GPC5: variants seen among roughly 807,000 people sequenced by gnomAD.
GPC5 encodes the protein glypican-5.
In GPC5, 47 loss-of-function variants were observed where a neutral mutation model predicts 53.9. The ratio of observed to expected loss-of-function variants is 0.87; its 90% CI spans 0.69 to 1.11. The LOEUF (loss-of-function observed/expected upper bound fraction) is 1.11, where lower values mean the gene tolerates loss of function less well. Among genes scored for constraint, GPC5 ranks in the 50% most tolerant of loss-of-function variants. The probability of loss-of-function intolerance (pLI) is 0.00; values close to 1 mark genes in which losing one functional copy is unlikely to be tolerated. For synonymous variants in GPC5, 286 were observed against 263.3 expected, an observed-to-expected ratio of 1.09 and a Z score of -0.84; for missense variants, 748 against 713.1, an observed-to-expected ratio of 1.05 and a Z score of -0.56.
chr13:92,568,095 G>A (rs1882914940), intron 7 of GPC5, among the ~76,000 whole-genome samples: 1 of 152,058 alleles, frequency 6.6e-6, no homozygotes, highest in South Asian at 2.1e-4. Context: ...GCTGAGGCAG[G>A]AGAATCACTT....
intron 7 of GPC5, among the ~76,000 whole-genome samples, chr13:92,415,448 G>A (rs1049180726): frequency 6.6e-6 from 1 of 152,166 alleles, no homozygotes; most frequent in African/African-American, 2.4e-5. Context: ...AATTGGGTAT[G>A]AGAAGTGAAG....
chr13:92,318,087 T>C (rs1292335020), intron 7 of GPC5, among the ~76,000 whole-genome samples: 3 of 152,200 alleles, frequency 2.0e-5, no homozygotes, highest in Non-Finnish European at 4.4e-5. Flanking sequence ...AATCGGACTA[T>C]TTGAAAATTA....
At chr13:91,892,301 A>G (rs2039395111) in intron 5 of GPC5, among the ~76,000 whole-genome samples, 1 of 151,758 alleles carries the variant, frequency 6.6e-6, no homozygotes, top group African/African-American at 2.4e-5. Flanking sequence ...CCAAAAATAC[A>G]TTTTCATACC....
At chr13:92,788,783 T>C (rs1876352645) in intron 7 of GPC5, among the ~76,000 whole-genome samples, 1 of 152,170 alleles carries the variant, frequency 6.6e-6, no homozygotes, top group South Asian at 2.1e-4. Flanking sequence ...GATAAAGTCA[T>C]CCTGCTTTGA....
intron 6 of GPC5, among the ~76,000 whole-genome samples, chr13:92,067,707 A>G (rs1277261155): frequency 6.6e-6 from 1 of 152,020 alleles, no homozygotes; most frequent in East Asian, 1.9e-4. Context: ...TTAAAATAGC[A>G]TGCATATAAT....
intron 7 of GPC5, among the ~76,000 whole-genome samples, chr13:92,590,757 T>C (rs1053879174): frequency 6.6e-6 from 1 of 152,238 alleles, no homozygotes; most frequent in African/African-American, 2.4e-5. Flanking sequence ...CTGCTACTCA[T>C]TGTTTTGTTT....
chr13:92,638,642 ATCTACC>A (rs1437371698), intron 7 of GPC5, among the ~76,000 whole-genome samples: 1 of 152,140 alleles, frequency 6.6e-6, no homozygotes, highest in Non-Finnish European at 1.5e-5. Flanking sequence ...TATATTTTAT[ATCTACC>A]TATGAATTAC....
At chr13:92,254,591 C>T (rs139322509) in intron 7 of GPC5, among the ~76,000 whole-genome samples, 3 of 152,238 alleles carry the variant, frequency 2.0e-5, no homozygotes, top group Non-Finnish European at 2.9e-5. Context: ...CTTCATGCTG[C>T]TATAAGGATG....
chr13:91,993,428 G>T (rs952470098), intron 6 of GPC5, among the ~76,000 whole-genome samples: 5 of 151,862 alleles, frequency 3.3e-5, no homozygotes, highest in African/African-American at 1.2e-4. Context: ...GATGATTTGA[G>T]AATGCAGATT....
intron 2 of GPC5, among the ~76,000 whole-genome samples, chr13:91,679,589 A>G (rs79100292): frequency 6.6e-6 from 1 of 152,164 alleles, no homozygotes; most frequent in Non-Finnish European, 1.5e-5. Context: ...TTGCATTTGC[A>G]TTTATAGTAC....
chr13:92,036,643 T>C (rs545633183), intron 6 of GPC5, among the ~76,000 whole-genome samples: 1 of 152,326 alleles, frequency 6.6e-6, no homozygotes, highest in African/African-American at 2.4e-5. Flanking sequence ...TGAGTTTCTG[T>C]TGACTCCTCC....
chr13:92,461,047 C>T (rs1161410563), intron 7 of GPC5, among the ~76,000 whole-genome samples: 5 of 152,020 alleles, frequency 3.3e-5, no homozygotes, highest in East Asian at 1.9e-4. Context: ...CCTCTACACA[C>T]ATGGCTAAGT....
At chr13:91,756,449 T>C (rs1264140236) in intron 5 of GPC5, 29 bp downstream of exon 5, 3 of 1,536,274 alleles carry the variant, frequency 2.0e-6, no homozygotes, top group Non-Finnish European at 2.7e-6. Flanking sequence ...GAAAACCTAC[T>C]AGTTACATCA....
intron 7 of GPC5, among the ~76,000 whole-genome samples, chr13:92,380,778 G>A (rs2043732620): frequency 8.0e-6 from 1 of 125,200 alleles, no homozygotes; most frequent in African/African-American, 2.8e-5. Context: ...GGAGGGGGGA[G>A]GGATAGCACT....
At chr13:92,388,862 A>AC (rs969680929) in intron 7 of GPC5, among the ~76,000 whole-genome samples, 32 of 152,076 alleles carry the variant, frequency 2.1e-4, no homozygotes, top group Non-Finnish European at 8.8e-5. Context: ...ATGTTTGGTT[A>AC]TTTTTTTGAT....
At chr13:92,221,649 A>G (rs2042449471) in intron 7 of GPC5, among the ~76,000 whole-genome samples, 1 of 152,050 alleles carries the variant, frequency 6.6e-6, no homozygotes, top group Non-Finnish European at 1.5e-5. Flanking sequence ...CACAAATGAT[A>G]CCCCAGAATC....
At chr13:91,742,379 TCCACCTA>T (rs2036954103) in intron 4 of GPC5, among the ~76,000 whole-genome samples, 3 of 152,192 alleles carry the variant, frequency 2.0e-5, no homozygotes, top group Non-Finnish European at 4.4e-5. Context: ...AGTACTTTGC[TCCACCTA>T]AAACTAATAT....
chr13:92,057,671 A>T (rs1304908925), intron 6 of GPC5, among the ~76,000 whole-genome samples: 1 of 152,148 alleles, frequency 6.6e-6, no homozygotes, highest in Non-Finnish European at 1.5e-5. Context: ...ATCTCATCAT[A>T]GCCTGCTGAA....
rs149088845 is a variant in GPC5 at position 92,084,558 on chromosome 13, C to T, written c.1402-60272C>T. Among the ~76,000 whole-genome samples, 144 of 152,148 alleles carry T rather than the reference C, an allele frequency of 9.5e-4. No homozygotes were observed. The East Asian group carries it at 0.018, about 19-fold the overall frequency. ...GGCTAAGAGCAGCCTGATGGGAGTC[C>T]GACTGAGCAGGGTTTGAATCCTAGC... On this transcript the variant is annotated intron_variant, in intron 6 of 7. Transcript: ENST00000377067.
Sources: gnomAD v4.1 joint callset for allele counts (sites outside exome capture counted in the v4.1 genomes callset) on GRCh38, gnomAD v4.1.1 for gene constraint, MANE v1.5 for transcripts, NCBI Gene and HGNC (gene_info 2026-07-23, HGNC 2026-07-21) for gene names.